Variants in SHB observed in about 807,000 individuals in gnomAD.
SHB encodes the protein SH2 domain containing adaptor protein B, also known as SH2 domain-containing adapter protein B.
SHB carries 20 observed loss-of-function variants against 52.3 expected under a neutral mutation model. That is an observed-to-expected ratio of 0.38 (90% CI 0.27 to 0.56). SHB has a LOEUF of 0.56. SHB is among the 20% of genes least tolerant of loss of function. The pLI, the probability that SHB is intolerant of heterozygous loss-of-function variation, is 0.71. For synonymous variants in SHB, 397 were observed against 316.5 expected, an observed-to-expected ratio of 1.25 and a Z score of -2.70; for missense variants, 825 against 723.3, an observed-to-expected ratio of 1.14 and a Z score of -1.61.
intron 1 of SHB, among the ~76,000 whole-genome samples, chr9:38,019,162 T>G (rs908732623): frequency 6.6e-6 from 1 of 152,210 alleles, no homozygotes; most frequent in Non-Finnish European, 1.5e-5. Context: ...GTGCGGCTGC[T>G]TAGTCAGTGA....
intron 4 of SHB, among the ~76,000 whole-genome samples, chr9:37,950,806 G>A (rs1176164313): frequency 3.3e-5 from 5 of 152,224 alleles, no homozygotes; most frequent in African/African-American, 7.2e-5. Flanking sequence ...CTTAACCGAC[G>A]GCAGCTGCAG....
At chr9:37,937,338 A>G (rs561159346) in intron 5 of SHB, among the ~76,000 whole-genome samples, 6 of 152,362 alleles carry the variant, frequency 3.9e-5, no homozygotes, top group South Asian at 4.1e-4. Flanking sequence ...GGATTTTCCA[A>G]AAGAAATGGC....
rs113402949 is a variant in SHB at position 38,060,449 on chromosome 9, G to C, written c.717+7480C>G. The stretch of plus-strand genomic sequence containing the variant: ...GCCTCCCAATGTGCTGGGATTACAG[G>C]AAGTGCTGGGATTACAGGCATGAAC... On this transcript the variant is annotated intron_variant, in intron 1 of 5. Transcript: ENST00000377707. Among the ~76,000 whole-genome samples, 88 of 151,834 alleles carry C rather than the reference G, an allele frequency of 5.8e-4. 2 individuals carry two copies. Among genetic ancestry groups the C allele is most frequent in the African/African-American group, 2.0e-3 (85 of 41,536 alleles).
chr9:38,046,815 A>G (rs1375113732), intron 1 of SHB, among the ~76,000 whole-genome samples: 2 of 152,234 alleles, frequency 1.3e-5, no homozygotes, highest in Admixed American at 6.5e-5. Context: ...GACAGTAAAA[A>G]TCCCTTCGTC....
intron 1 of SHB, among the ~76,000 whole-genome samples, chr9:38,049,364 T>G (rs1821705187): frequency 6.6e-6 from 1 of 151,774 alleles, no homozygotes; most frequent in Non-Finnish European, 1.5e-5. Flanking sequence ...ATCCCAGCAC[T>G]TTGGGAGGCT....
At chr9:38,028,764 AC>A (rs1215719541) in intron 1 of SHB, among the ~76,000 whole-genome samples, 16 of 152,252 alleles carry the variant, frequency 1.1e-4, no homozygotes, top group Admixed American at 1.0e-3. Flanking sequence ...TCAAAACAGT[AC>A]TTATAAAAGG....
At chr9:37,991,532 C>T (rs948275806) in intron 2 of SHB, among the ~76,000 whole-genome samples, 3 of 152,136 alleles carry the variant, frequency 2.0e-5, no homozygotes, top group African/African-American at 7.2e-5. Flanking sequence ...TTATAACATT[C>T]CCCCAAACAT....
intron 2 of SHB, among the ~76,000 whole-genome samples, chr9:37,998,732 T>TGTGAG (rs1820979344): frequency 6.6e-6 from 1 of 152,230 alleles, no homozygotes; most frequent in Non-Finnish European, 1.5e-5. Context: ...GGATTACAGG[T>TGTGAG]GTGAGCTGCC....
chr9:37,984,436 G>C (rs1383890092), intron 2 of SHB, among the ~76,000 whole-genome samples: 1 of 152,230 alleles, frequency 6.6e-6, no homozygotes, highest in Admixed American at 6.5e-5. Flanking sequence ...ACACAGGGAA[G>C]GTCTCATGTA....
At chr9:38,014,447 G>T (rs1053292523) in intron 2 of SHB, among the ~76,000 whole-genome samples, 3 of 152,344 alleles carry the variant, frequency 2.0e-5, no homozygotes, top group African/African-American at 7.2e-5. Context: ...GTTGTCGCAG[G>T]GCCCAGGCAT....
chr9:37,938,431 G>A (rs751157263), intron 5 of SHB, among the ~76,000 whole-genome samples: 2 of 152,312 alleles, frequency 1.3e-5, no homozygotes, highest in Admixed American at 6.5e-5. Flanking sequence ...ATTCCCAGAT[G>A]GCTTTTGCAA....
chr9:37,957,232 A>G (rs7048063), intron 3 of SHB, among the ~76,000 whole-genome samples: 88,150 of 152,052 alleles, frequency 0.58, 25,826 homozygotes, highest in East Asian at 0.82. Context: ...ACACAAAGGC[A>G]TAAACCTCTC....
chr9:38,031,480 T>C (rs549289033), intron 1 of SHB, among the ~76,000 whole-genome samples: 12 of 152,338 alleles, frequency 7.9e-5, no homozygotes, highest in South Asian at 4.1e-4. Flanking sequence ...TCTAATTTCA[T>C]TGGAGATCAC....
At chr9:37,926,473 A>C (rs754228481) in intron 5 of SHB, among the ~76,000 whole-genome samples, 16 of 152,040 alleles carry the variant, frequency 1.1e-4, no homozygotes, top group Non-Finnish European at 2.2e-4. Context: ...CAGCAACACC[A>C]AGAGATGGGC....
chr9:37,974,543 CCTGAGCGCAGGTGGGGACCAAGGTGAGTG>C (rs1016460643), intron 3 of SHB, 50 bp downstream of exon 3: 7 of 1,241,708 alleles, frequency 5.6e-6, no homozygotes, highest in Non-Finnish European at 8.0e-6. Flanking sequence ...TGGAGTTTGT[CCTGAGCGCAGGTGGGGACCAAGGTGAGTG>C]CTGAGCGCAG....
intron 3 of SHB, among the ~76,000 whole-genome samples, chr9:37,963,149 A>T (rs1832712208): frequency 6.6e-6 from 1 of 152,092 alleles, no homozygotes; most frequent in Non-Finnish European, 1.5e-5. Flanking sequence ...CTCACCATTG[A>T]CCAAGGGTGC....
chr9:38,003,420 C>A (rs1821042766), intron 2 of SHB, among the ~76,000 whole-genome samples: 1 of 151,972 alleles, frequency 6.6e-6, no homozygotes, highest in Admixed American at 6.6e-5. Flanking sequence ...CACCCCTAAC[C>A]AAGCAGAATG....
At chr9:37,947,286 G>A (rs949963383) in intron 5 of SHB, among the ~76,000 whole-genome samples, 1 of 152,212 alleles carries the variant, frequency 6.6e-6, no homozygotes, top group African/African-American at 2.4e-5. Context: ...CAGTGGTCCA[G>A]CCTTTGGTCT....
chr9:38,002,925 T>C (rs1475261217), intron 2 of SHB, among the ~76,000 whole-genome samples: 4 of 152,150 alleles, frequency 2.6e-5, no homozygotes, highest in Non-Finnish European at 4.4e-5. Flanking sequence ...ACCCAGGGCA[T>C]AGGGCTGGGG....
Sources: gnomAD v4.1 joint callset for allele counts (sites outside exome capture counted in the v4.1 genomes callset) on GRCh38, gnomAD v4.1.1 for gene constraint, MANE v1.5 for transcripts, NCBI Gene and HGNC (gene_info 2026-07-23, HGNC 2026-07-21) for gene names.